The following ITPR2 variants were observed in gnomAD, a reference collection of about 807,000 sequenced individuals.
The protein encoded by ITPR2 is inositol 1,4,5-trisphosphate receptor type 2, also known as inositol 1,4,5-trisphosphate-gated calcium channel ITPR2.
Under a neutral mutation model 317.1 loss-of-function variants are expected in ITPR2, and 207 were observed. The observed-to-expected ratio is 0.65, with a 90% CI of 0.58 to 0.73. ITPR2 has a LOEUF of 0.73. ITPR2 is among the 30% of genes least tolerant of loss of function. The pLI is 0.00. For missense variants in ITPR2, 2,613 were observed against 3,284.0 expected (o/e 0.80, Z 4.99); for synonymous variants, 1,156 against 1,149.1 (o/e 1.01, Z -0.12).
intron 52 of ITPR2, among the ~76,000 whole-genome samples, chr12:26,410,089 C>T (rs1940492064): frequency 2.0e-5 from 3 of 152,184 alleles, no homozygotes; most frequent in African/African-American, 4.8e-5. Flanking sequence ...TTTTCAACTG[C>T]TTGCCCTGGA....
intron 55 of ITPR2, among the ~76,000 whole-genome samples, chr12:26,353,494 A>G (rs1591956189): frequency 6.6e-6 from 1 of 152,216 alleles, no homozygotes; most frequent in African/African-American, 2.4e-5. Flanking sequence ...GGTCTGCCCA[A>G]ATTTTCCATG....
chr12:26,630,284 C>A lies in ITPR2; in HGVS notation c.2934+1582G>T, dbSNP rs185603420. ...TTAAAACTTTCATTTCTCTAATACG[C>A]CTAATCAGGAAAAACAAGTGGAAAG... On this transcript the variant is annotated intron_variant, in intron 22 of 56. Transcript: ENST00000381340. Among the ~76,000 whole-genome samples, 4 of 151,428 alleles carry A rather than the reference C, an allele frequency of 2.6e-5. No homozygotes were observed. In the East Asian group the frequency reaches 7.8e-4, roughly 29 times the overall value.
chr12:26,613,388 A>G (rs950413200), intron 26 of ITPR2, among the ~76,000 whole-genome samples: 1 of 152,194 alleles, frequency 6.6e-6, no homozygotes, highest in Non-Finnish European at 1.5e-5. Context: ...CCTGTATAAA[A>G]TCTAAAAATG....
intron 24 of ITPR2, among the ~76,000 whole-genome samples, chr12:26,623,155 T>C (rs1266457612): frequency 6.6e-6 from 1 of 152,228 alleles, no homozygotes; most frequent in Non-Finnish European, 1.5e-5. Context: ...TACCCAACTC[T>C]ATCTGTGGTT....
intron 45 of ITPR2, among the ~76,000 whole-genome samples, chr12:26,464,114 A>T (rs750375957): frequency 2.6e-5 from 4 of 151,946 alleles, no homozygotes; most frequent in Non-Finnish European, 4.4e-5. Flanking sequence ...GCAGTCCCCA[A>T]CCTTTTTGGC....
At chr12:26,521,287 T>C (rs1436169281) in intron 37 of ITPR2, among the ~76,000 whole-genome samples, 2 of 152,178 alleles carry the variant, frequency 1.3e-5, no homozygotes, top group Non-Finnish European at 1.5e-5. Flanking sequence ...TTTATTTTTA[T>C]AAGTGCAGCG....
intron 9 of ITPR2, among the ~76,000 whole-genome samples, chr12:26,699,730 G>T (rs185575574): frequency 6.6e-6 from 1 of 151,996 alleles, no homozygotes; most frequent in Admixed American, 6.6e-5. Context: ...ATTTACCAAC[G>T]TTAACTATTA....
At chr12:26,671,258 A>G (rs1242347715) in intron 13 of ITPR2, among the ~76,000 whole-genome samples, 1 of 152,218 alleles carries the variant, frequency 6.6e-6, no homozygotes, top group Non-Finnish European at 1.5e-5. Context: ...CAGATTCACC[A>G]AAGTTGAAAT....
At chr12:26,491,981 C>A (rs1218078717) in intron 39 of ITPR2, among the ~76,000 whole-genome samples, 1 of 152,010 alleles carries the variant, frequency 6.6e-6, no homozygotes, top group Non-Finnish European at 1.5e-5. Context: ...ACACAGTAAA[C>A]GTTAAAGGTG....
chr12:26,621,655 C>T (rs181613921), intron 25 of ITPR2, among the ~76,000 whole-genome samples: 83 of 152,118 alleles, frequency 5.5e-4, no homozygotes, highest in Non-Finnish European at 9.6e-4. Context: ...TATACATATA[C>T]GTATTTGATG....
At chr12:26,832,502 C>T (rs890086152) in intron 1 of ITPR2, among the ~76,000 whole-genome samples, 188 bp downstream of exon 1, 1 of 152,246 alleles carries the variant, frequency 6.6e-6, no homozygotes, top group African/African-American at 2.4e-5. Flanking sequence ...AAAGTCTTGC[C>T]TCTCAGGGCA....
At chr12:26,351,243 T>C (rs1185758106) in intron 55 of ITPR2, among the ~76,000 whole-genome samples, 1 of 152,164 alleles carries the variant, frequency 6.6e-6, no homozygotes, top group African/African-American at 2.4e-5. Context: ...CTCCCAGAAC[T>C]GCTCTCAGCC....
intron 9 of ITPR2, among the ~76,000 whole-genome samples, chr12:26,701,079 T>G (rs1168230093): frequency 6.6e-6 from 1 of 152,186 alleles, no homozygotes; most frequent in Non-Finnish European, 1.5e-5. Flanking sequence ...ATTACTAATC[T>G]TTGAAGACAG....
At chr12:26,594,397 C>A (rs1945789089) in intron 32 of ITPR2, among the ~76,000 whole-genome samples, 1 of 151,586 alleles carries the variant, frequency 6.6e-6, no homozygotes, top group African/African-American at 2.4e-5. Flanking sequence ...GGAGGGATGA[C>A]AAGGATGTAC....
At chr12:26,385,292 CT>C (rs2136624989) in intron 55 of ITPR2, among the ~76,000 whole-genome samples, 2 of 152,308 alleles carry the variant, frequency 1.3e-5, no homozygotes, top group South Asian at 4.1e-4. Flanking sequence ...GAATTCTTCT[CT>C]GACCAGCTTG....
chr12:26,447,026 T>TTATA (rs1210721541), intron 45 of ITPR2, among the ~76,000 whole-genome samples: 1 of 150,190 alleles, frequency 6.7e-6, no homozygotes, highest in Non-Finnish European at 1.5e-5. Context: ...ATTTCTCATA[T>TTATA]TGTATCTGAG....
intron 52 of ITPR2, among the ~76,000 whole-genome samples, chr12:26,402,913 G>A (rs553399754): frequency 2.6e-5 from 4 of 152,296 alleles, no homozygotes; most frequent in Admixed American, 2.6e-4. Flanking sequence ...GCTGGACGAG[G>A]TGCTAGGAAT....
intron 13 of ITPR2, among the ~76,000 whole-genome samples, chr12:26,671,886 C>T (rs1245333321): frequency 6.6e-6 from 1 of 152,108 alleles, no homozygotes; most frequent in African/African-American, 2.4e-5. Flanking sequence ...CGAAAAAAGG[C>T]AGGGGTTGCA....
Position 26,600,018 on chromosome 12 carries a change from T to A in ITPR2, c.3770A>T (p.His1257Leu), listed in dbSNP as rs1472081495. The change falls in exon 29 of 57, where the codon CAT becomes CTT. Residue 1257 changes from histidine to leucine, a missense_variant. Transcript: ENST00000381340. ...RGNPQNQVLL[H>L]KHLNLFLTPG... ...AGTTAAAAACAAATTCAGATGTTTA[T>A]GAAGAAGAACTTGATTCTGTGGATT... is the stretch of plus-strand genomic sequence containing the variant. 1 of 1,607,068 alleles carries A rather than the reference T, an allele frequency of 6.2e-7. No homozygotes were observed. The highest frequency in any genetic ancestry group is 8.5e-7 in the Non-Finnish European group (1 of 1,173,924).
Sources: gnomAD v4.1 joint callset for allele counts (sites outside exome capture counted in the v4.1 genomes callset) on GRCh38, gnomAD v4.1.1 for gene constraint, MANE v1.5 for transcripts, NCBI Gene and HGNC (gene_info 2026-07-23, HGNC 2026-07-21) for gene names.